The following GNAI1 variants were observed in gnomAD, a reference collection of about 807,000 sequenced individuals.
The protein encoded by GNAI1 is G protein subunit alpha i1, also known as guanine nucleotide-binding protein G(i) subunit alpha-1.
Under a neutral mutation model 38.9 loss-of-function variants are expected in GNAI1, and 11 were observed. That is an observed-to-expected ratio of 0.28 (90% CI 0.18 to 0.47). The LOEUF is 0.47. GNAI1 is among the 20% of genes least tolerant of loss of function. The pLI, the probability that GNAI1 is intolerant of heterozygous loss-of-function variation, is 0.99. For synonymous variants in GNAI1, 166 were observed against 145.1 expected (o/e 1.14, Z -1.04); for missense variants, 317 against 436.9 (o/e 0.73, Z 2.45).
chr7:80,212,648 A>G, intron 6 of GNAI1, 68 bp from the exon 7 acceptor site: 5 of 942,740 alleles, frequency 5.3e-6, no homozygotes, highest in African/African-American at 1.7e-5. Flanking sequence ...AACACCTTTT[A>G]TTTTTTAAAA....
chr7:80,172,053 T>C (rs1330441823), intron 1 of GNAI1, among the ~76,000 whole-genome samples: 2 of 152,234 alleles, frequency 1.3e-5, no homozygotes, highest in African/African-American at 4.8e-5. Flanking sequence ...CTGTAATCTT[T>C]TACTGTCATT....
chr7:80,217,242 A>AGTTTCATCTGTATGAAACT, intron 7 of GNAI1, 61 bp from the exon 8 acceptor site: 1 of 1,077,344 alleles, frequency 9.3e-7, no homozygotes, highest in Non-Finnish European at 1.3e-6. Flanking sequence ...AACTGAATTC[A>AGTTTCATCTGTATGAAACT]GTATTTTAAG....
Position 80,177,789 on chromosome 7 carries a change from G to T in GNAI1, c.119-11162G>T, listed in dbSNP as rs191253505. Among the ~76,000 whole-genome samples the T allele has an allele frequency of 4.6e-5, 7 of 152,198 alleles. No homozygotes were observed. In the South Asian group the frequency reaches 1.2e-3, roughly 27 times the overall value. ...GTGCCCAGCCTAATGTTGTTTTTAC[G>T]CCTTCTAACACAGTATTTGTTCTGC... On this transcript the variant is annotated intron_variant, in intron 1 of 7. Transcript: ENST00000649796.
At chr7:80,140,126 G>A (rs1787499956) in intron 1 of GNAI1, among the ~76,000 whole-genome samples, 1 of 152,052 alleles carries the variant, frequency 6.6e-6, no homozygotes, top group Admixed American at 6.5e-5. Flanking sequence ...TGGGACTACA[G>A]GTGCCTGCCA....
At position 80,218,292 on chromosome 7, in the gene GNAI1, TA is replaced by T. The variant is rs150051597; in HGVS notation, c.*800del. On this transcript the variant is annotated 3_prime_UTR_variant, in exon 8 of 8. Transcript: ENST00000649796. ...AGACTTATTGTACACACTTAGTTTT[TA>T]TTCACTTGTTTTCACTCTGAATTTT... The T allele has an allele frequency of 3.9e-4, 60 of 152,272 alleles. No homozygotes were observed. In the East Asian group the frequency reaches 0.011, roughly 28 times the overall value. 9.4% of individuals were successfully genotyped at this position (152,272 alleles called of 1,614,324 possible).
chr7:80,145,048 C>T (rs2523186), intron 1 of GNAI1, among the ~76,000 whole-genome samples: 44,871 of 152,066 alleles, frequency 0.3, 7,811 homozygotes, highest in Non-Finnish European at 0.37. Flanking sequence ...CCTCCAGCAC[C>T]TTTTTCCATC....
intron 3 of GNAI1, among the ~76,000 whole-genome samples, chr7:80,194,407 C>A (rs889029029): frequency 6.6e-6 from 1 of 152,004 alleles, no homozygotes; most frequent in African/African-American, 2.4e-5. Context: ...TTTAGTAAGT[C>A]AAATTTTACT....
intron 1 of GNAI1, among the ~76,000 whole-genome samples, chr7:80,141,030 A>T (rs530261956): frequency 1.3e-5 from 2 of 152,126 alleles, no homozygotes; most frequent in Non-Finnish European, 2.9e-5. Context: ...TTTCACTTGG[A>T]AGGACCCTTG....
At chr7:80,164,391 C>G (rs940033493) in intron 1 of GNAI1, among the ~76,000 whole-genome samples, 31 of 148,764 alleles carry the variant, frequency 2.1e-4, no homozygotes, top group African/African-American at 7.5e-4. Flanking sequence ...GAGACGGAGT[C>G]TTGCTCTGTC....
At chr7:80,161,876 G>GT (rs1334288575) in intron 1 of GNAI1, among the ~76,000 whole-genome samples, 2 of 152,246 alleles carry the variant, frequency 1.3e-5, no homozygotes, top group South Asian at 2.1e-4. Flanking sequence ...AAGATGCTCA[G>GT]TTTTTTATTT....
Position 80,222,413 on chromosome 7 carries a change from G to A in GNAI1, c.*4920G>A, listed in dbSNP as rs1354061584. 3.1e-5 allele frequency among the ~76,000 whole-genome samples: 4 copies of A among 130,710 alleles called. No individual in the cohort carries two copies. The highest frequency in any genetic ancestry group is 1.2e-4 in the African/African-American group (4 of 34,414). The allele number at this position is 130,710 out of a possible 152,430, so 85.8% of individuals were successfully genotyped here. A position where few individuals can be genotyped will look rare whatever the true frequency, so the allele number is the denominator to read the frequency against. ...TTTTTTTTTTTTTTCCTGAGACAGA[G>A]TTTCGTTCTTGTTTCCCAGGCTGGA... is the stretch of plus-strand genomic sequence containing the variant. On this transcript the variant is annotated 3_prime_UTR_variant, in exon 8 of 8. Transcript: ENST00000649796.
chr7:80,146,278 T>C (rs1416040694), intron 1 of GNAI1, among the ~76,000 whole-genome samples: 1 of 152,158 alleles, frequency 6.6e-6, no homozygotes, highest in Non-Finnish European at 1.5e-5. Context: ...CTCCCAAGCT[T>C]GCAGGCTCTG....
chr7:80,138,924 C>T (rs2116064300), intron 1 of GNAI1, among the ~76,000 whole-genome samples: 1 of 152,158 alleles, frequency 6.6e-6, no homozygotes, highest in Non-Finnish European at 1.5e-5. Flanking sequence ...ACCAGGCAGC[C>T]CTTTGGGATG....
At chr7:80,173,912 T>C (rs796777558) in intron 1 of GNAI1, among the ~76,000 whole-genome samples, 5 of 152,190 alleles carry the variant, frequency 3.3e-5, no homozygotes, top group Admixed American at 2.6e-4. Flanking sequence ...GGTGCCTTGA[T>C]TGGGAAATAT....
intron 1 of GNAI1, among the ~76,000 whole-genome samples, chr7:80,151,648 TC>T (rs1787728816): frequency 1.3e-5 from 2 of 152,218 alleles, no homozygotes; most frequent in South Asian, 2.1e-4. Context: ...ATGAAAAGGC[TC>T]AGTAGTGTTC....
intron 1 of GNAI1, among the ~76,000 whole-genome samples, chr7:80,187,719 T>A (rs1788413196): frequency 6.6e-6 from 1 of 152,188 alleles, no homozygotes; most frequent in Non-Finnish European, 1.5e-5. Context: ...CATAAATTCC[T>A]CCAGGATATT....
intron 3 of GNAI1, among the ~76,000 whole-genome samples, chr7:80,189,515 T>C (rs1176713969): frequency 6.6e-6 from 1 of 152,194 alleles, no homozygotes; most frequent in Non-Finnish European, 1.5e-5. Context: ...TGGGTACCCC[T>C]GTATTCCCAT....
At position 80,224,624 on chromosome 7, in the gene GNAI1, A is replaced by G. The variant is rs531998493; in HGVS notation, c.*7131A>G. 6.6e-6 allele frequency among the ~76,000 whole-genome samples: 1 copy of G among 152,352 alleles called. No individual in the cohort carries two copies. The highest frequency in any genetic ancestry group is 1.9e-4 in the East Asian group (1 of 5,174). ...ATGCATGATGCACATTAGCATGTCA[A>G]TGGCTGTGAAAAGCCAGTGCAGTAA... On this transcript the variant is annotated 3_prime_UTR_variant, in exon 8 of 8. Transcript: ENST00000649796.
intron 6 of GNAI1, among the ~76,000 whole-genome samples, chr7:80,211,708 C>T (rs748949532): frequency 4.8e-4 from 73 of 152,244 alleles, no homozygotes; most frequent in African/African-American, 1.3e-3. Flanking sequence ...CCTGAGCCAC[C>T]GCACCCAGCC....
Sources: gnomAD v4.1 joint callset for allele counts (sites outside exome capture counted in the v4.1 genomes callset) on GRCh38, gnomAD v4.1.1 for gene constraint, MANE v1.5 for transcripts, NCBI Gene and HGNC (gene_info 2026-07-23, HGNC 2026-07-21) for gene names.